LHFPL2: variants seen among roughly 807,000 people sequenced by gnomAD.
The protein encoded by LHFPL2 is LHFPL tetraspan subfamily member 2.
LHFPL2 carries 7 observed loss-of-function variants against 17.5 expected under a neutral mutation model. That is an observed-to-expected ratio of 0.40 (90% CI 0.23 to 0.75). The LOEUF is 0.75. LHFPL2 is among the 30% of genes least tolerant of loss of function. The pLI is 0.37. For missense variants in LHFPL2, 241 were observed against 294.8 expected (o/e 0.82, Z 1.34); for synonymous variants, 134 against 116.2 (o/e 1.15, Z -0.99).
At chr5:78,598,079 T>C (rs1016977620) in intron 2 of LHFPL2, among the ~76,000 whole-genome samples, 1 of 152,184 alleles carries the variant, frequency 6.6e-6, no homozygotes, top group African/African-American at 2.4e-5. Context: ...ATAGCAAATA[T>C]AGGTTAAGGC....
chr5:78,554,007 A>G (rs1325015332), intron 3 of LHFPL2, among the ~76,000 whole-genome samples: 2 of 152,236 alleles, frequency 1.3e-5, no homozygotes, highest in African/African-American at 4.8e-5. Context: ...TCCCCATTTC[A>G]GGATCAGTGG....
At chr5:78,622,054 C>T (rs1383999872) in intron 2 of LHFPL2, among the ~76,000 whole-genome samples, 1 of 152,106 alleles carries the variant, frequency 6.6e-6, no homozygotes. Context: ...TCAAAATACA[C>T]ACTCTAGAAG....
chr5:78,611,174 C>T (rs1236739765), intron 2 of LHFPL2, among the ~76,000 whole-genome samples: 1 of 152,188 alleles, frequency 6.6e-6, no homozygotes, highest in Non-Finnish European at 1.5e-5. Flanking sequence ...GAGTCCTTGC[C>T]CTGCTGTGGG....
chr5:78,564,188 G>T (rs1049450054), intron 3 of LHFPL2, among the ~76,000 whole-genome samples: 1 of 152,094 alleles, frequency 6.6e-6, no homozygotes, highest in Non-Finnish European at 1.5e-5. Context: ...GAGAAGCAGG[G>T]CTGGATCAAA....
intron 3 of LHFPL2, among the ~76,000 whole-genome samples, chr5:78,512,408 T>C (rs1255049135): frequency 6.7e-6 from 1 of 150,174 alleles, no homozygotes; most frequent in Non-Finnish European, 1.5e-5. Flanking sequence ...CTGGTGGAGA[T>C]AAATTAGCAT....
chr5:78,531,911 C>T lies in LHFPL2; in HGVS notation c.-185-21513G>A, dbSNP rs537092544. Among the ~76,000 whole-genome samples the T allele has an allele frequency of 4.0e-4, 60 of 151,128 alleles. 1 individual carries two copies. Among genetic ancestry groups the T allele is most frequent in the African/African-American group, 1.4e-3 (57 of 41,056 alleles). ...TGTGTAGCTGGGAGTACAAGCAGCA[C>T]CACCATGCCCGGCTAATTTTTTTTT... On this transcript the variant is annotated intron_variant, in intron 3 of 4. Transcript: ENST00000380345.
At chr5:78,607,302 G>C (rs180907723) in intron 2 of LHFPL2, among the ~76,000 whole-genome samples, 1 of 151,392 alleles carries the variant, frequency 6.6e-6, no homozygotes, top group Non-Finnish European at 1.5e-5. Context: ...TAGTAGAGAC[G>C]GGGTTTCACC....
intron 2 of LHFPL2, among the ~76,000 whole-genome samples, chr5:78,606,990 C>T (rs528456276): frequency 6.6e-6 from 1 of 152,080 alleles, no homozygotes; most frequent in South Asian, 2.1e-4. Context: ...TCCCCCCTTG[C>T]AAGTCCCTGG....
intron 2 of LHFPL2, among the ~76,000 whole-genome samples, chr5:78,593,984 T>G (rs560997957): frequency 2.0e-4 from 31 of 152,288 alleles, no homozygotes; most frequent in African/African-American, 7.5e-4. Flanking sequence ...GCATACTGCT[T>G]GTTATGAACA....
chr5:78,580,502 C>A (rs1580826654), intron 2 of LHFPL2, among the ~76,000 whole-genome samples: 1 of 147,500 alleles, frequency 6.8e-6, no homozygotes, highest in Non-Finnish European at 1.5e-5. Flanking sequence ...GTCTTTAATT[C>A]ATCTTGAATT....
intron 4 of LHFPL2, among the ~76,000 whole-genome samples, chr5:78,490,819 A>G (rs1754418842): frequency 6.6e-6 from 1 of 151,984 alleles, no homozygotes; most frequent in Admixed American, 6.5e-5. Flanking sequence ...GAAAAATTCA[A>G]CCTATGTAAT....
intron 2 of LHFPL2, among the ~76,000 whole-genome samples, chr5:78,613,790 C>G (rs956818950): frequency 2.6e-5 from 4 of 152,194 alleles, no homozygotes; most frequent in Non-Finnish European, 5.9e-5. Context: ...AAATCCAGCT[C>G]TACCACTTAC....
intron 4 of LHFPL2, among the ~76,000 whole-genome samples, chr5:78,501,465 G>A (rs184173955): frequency 1.1e-3 from 173 of 152,276 alleles, no homozygotes; most frequent in African/African-American, 3.9e-3. Flanking sequence ...GGGTACCTGC[G>A]TTAAGATGCG....
At chr5:78,530,103 T>C (rs1755737440) in intron 3 of LHFPL2, among the ~76,000 whole-genome samples, 1 of 152,230 alleles carries the variant, frequency 6.6e-6, no homozygotes, top group Non-Finnish European at 1.5e-5. Flanking sequence ...TTATTTTTAG[T>C]AAATTACTCA....
intron 3 of LHFPL2, among the ~76,000 whole-genome samples, chr5:78,521,384 T>C (rs1269678200): frequency 6.6e-6 from 1 of 152,272 alleles, no homozygotes; most frequent in Non-Finnish European, 1.5e-5. Context: ...TCTTGTTTTG[T>C]TATCAACTAA....
chr5:78,640,807 GACTTACCCTAAATCCACA>G (rs1408917931), intron 1 of LHFPL2, among the ~76,000 whole-genome samples: 1 of 152,138 alleles, frequency 6.6e-6, no homozygotes, highest in African/African-American at 2.4e-5. Flanking sequence ...ATCCCCACTG[GACTTACCCTAAATCCACA>G]GCAGTAAGAG....
chr5:78,517,653 G>A (rs1016108683), intron 3 of LHFPL2, among the ~76,000 whole-genome samples: 5 of 152,086 alleles, frequency 3.3e-5, no homozygotes, highest in Non-Finnish European at 5.9e-5. Flanking sequence ...ATCAGATCTC[G>A]TGAGACTACT....
chr5:78,544,290 C>G (rs1257854832), intron 3 of LHFPL2, among the ~76,000 whole-genome samples: 2 of 152,254 alleles, frequency 1.3e-5, no homozygotes, highest in East Asian at 1.9e-4. Context: ...GCACAGGCAT[C>G]TGGCACACAG....
intron 3 of LHFPL2, among the ~76,000 whole-genome samples, chr5:78,545,182 G>T (rs963070948): frequency 6.6e-6 from 1 of 152,132 alleles, no homozygotes; most frequent in Non-Finnish European, 1.5e-5. Context: ...GCTTCTTCAC[G>T]TCCAGCTCCA....
Sources: gnomAD v4.1 joint callset for allele counts (sites outside exome capture counted in the v4.1 genomes callset) on GRCh38, gnomAD v4.1.1 for gene constraint, MANE v1.5 for transcripts, NCBI Gene and HGNC (gene_info 2026-07-23, HGNC 2026-07-21) for gene names.